The following BRD10 variants were observed in gnomAD, a reference collection of about 807,000 sequenced individuals.
The protein encoded by BRD10 is bromodomain containing 10.
chr9:5,982,025 T>A, the BRD10 span, among the ~76,000 whole-genome samples: 1 of 150,534 alleles, frequency 6.6e-6, no homozygotes, highest in Non-Finnish European at 1.5e-5. Context: ...CAAAAACCTA[T>A]TGAAATTTTA....
chr9:5,911,405 G>GTTTT, the BRD10 span, among the ~76,000 whole-genome samples: 179 of 103,568 alleles, frequency 1.7e-3, 2 homozygotes, highest in Non-Finnish European at 2.9e-3. Flanking sequence ...GTCTATGTGT[G>GTTTT]TTTTTTTTTT....
At chr9:5,928,405 G>A in the BRD10 span, among the ~76,000 whole-genome samples, 3 of 152,054 alleles carry the variant, frequency 2.0e-5, no homozygotes, top group Non-Finnish European at 4.4e-5. Context: ...TCCCTTCCCT[G>A]CTTAAAACCC....
chr9:6,008,396 G>C, the BRD10 span: 2 of 690,116 alleles, frequency 2.9e-6, no homozygotes, highest in Non-Finnish European at 3.6e-6. Context: ...GGGAGAGAAG[G>C]GGGAGGGCAC....
At chr9:5,973,351 C>T in the BRD10 span, among the ~76,000 whole-genome samples, 5 of 152,146 alleles carry the variant, frequency 3.3e-5, no homozygotes. Flanking sequence ...CCTGCAATCT[C>T]AGCTATTTAG....
At chr9:5,897,947 G>C in the BRD10 span, 1 of 302,112 alleles carries the variant, frequency 3.3e-6, no homozygotes, top group Non-Finnish European at 6.4e-6. Flanking sequence ...TGGGAGGCTG[G>C]GAACTCCAAG....
the BRD10 span, among the ~76,000 whole-genome samples, chr9:5,975,845 GGTTA>G: frequency 1.3e-5 from 2 of 152,122 alleles, no homozygotes; most frequent in African/African-American, 2.4e-5. Context: ...CAGTAATAAT[GGTTA>G]GTTTGGGGGT....
chr9:5,961,136 C>G, the BRD10 span, among the ~76,000 whole-genome samples: 1 of 152,092 alleles, frequency 6.6e-6, no homozygotes, highest in South Asian at 2.1e-4. Flanking sequence ...GCCAGGGATG[C>G]AAAACCAGAA....
chr9:5,990,892 G>C, the BRD10 span, among the ~76,000 whole-genome samples: 2 of 152,126 alleles, frequency 1.3e-5, no homozygotes, highest in African/African-American at 4.8e-5. Flanking sequence ...TTATCCAACA[G>C]ATGTAATTCA....
At chr9:5,967,571 C>G in the BRD10 span, among the ~76,000 whole-genome samples, 76 of 150,898 alleles carry the variant, frequency 5.0e-4, no homozygotes, top group African/African-American at 1.8e-3. Context: ...TGGGAAAAAA[C>G]AGACCCAGGA....
chr9:5,977,640 G>T, the BRD10 span, among the ~76,000 whole-genome samples: 7 of 152,142 alleles, frequency 4.6e-5, no homozygotes, highest in Non-Finnish European at 8.8e-5. Context: ...GAGGTCAGGA[G>T]ATCGAGACCA....
the BRD10 span, among the ~76,000 whole-genome samples, chr9:5,904,674 T>C: frequency 2.0e-5 from 3 of 152,182 alleles, no homozygotes; most frequent in East Asian, 1.9e-4. Context: ...GGTTTCATCA[T>C]GTTGGCCAGG....
chr9:5,961,197 C>A, the BRD10 span, among the ~76,000 whole-genome samples: 2 of 152,068 alleles, frequency 1.3e-5, no homozygotes, highest in African/African-American at 4.8e-5. Flanking sequence ...AGACAATCCT[C>A]AAAATAACCT....
the BRD10 span, among the ~76,000 whole-genome samples, chr9:5,943,829 A>T: frequency 8.5e-5 from 13 of 152,252 alleles, no homozygotes; most frequent in African/African-American, 3.1e-4. Context: ...ATTCTCTTAA[A>T]TTACCATGAT....
At chr9:5,921,228 C>G in the BRD10 span, 1 of 1,613,970 alleles carries the variant, frequency 6.2e-7, no homozygotes, top group Non-Finnish European at 8.5e-7. Context: ...ATAGCTGGCA[C>G]AGTGCCTGAA....
chr9:5,897,631 G>T, the BRD10 span: 3 of 1,614,022 alleles, frequency 1.9e-6, no homozygotes, highest in South Asian at 3.3e-5. Context: ...TGTAGAAGAC[G>T]AAATGGATAC....
chr9:5,911,201 T>C, the BRD10 span, among the ~76,000 whole-genome samples: 3 of 152,200 alleles, frequency 2.0e-5, no homozygotes, highest in Non-Finnish European at 4.4e-5. Context: ...CTTTAATCCA[T>C]TTTTACTTGA....
the BRD10 span, chr9:6,007,926 G>A: frequency 2.3e-6 from 3 of 1,331,848 alleles, no homozygotes; most frequent in Non-Finnish European, 1.9e-6. Flanking sequence ...TCAGCCGCCG[G>A]CTCGGCTCGG....
At chr9:6,003,162 T>C in the BRD10 span, among the ~76,000 whole-genome samples, 1 of 152,244 alleles carries the variant, frequency 6.6e-6, no homozygotes, top group South Asian at 2.1e-4. Context: ...TACACAAGCT[T>C]ATTTTCACCA....
chr9:5,981,125 T>C, the BRD10 span, among the ~76,000 whole-genome samples: 37 of 152,218 alleles, frequency 2.4e-4, no homozygotes, highest in African/African-American at 8.9e-4. Flanking sequence ...CTGTAAGGTT[T>C]ATCTGTATCA....
Sources: gnomAD v4.1 joint callset for allele counts (sites outside exome capture counted in the v4.1 genomes callset) on GRCh38, gnomAD v4.1.1 for gene constraint, MANE v1.5 for transcripts, NCBI Gene and HGNC (gene_info 2026-07-23, HGNC 2026-07-21) for gene names.